Variants in PTPRD observed in about 807,000 individuals in gnomAD.
The protein encoded by PTPRD is protein tyrosine phosphatase receptor type D, also known as receptor-type tyrosine-protein phosphatase delta.
In PTPRD, 34 loss-of-function variants were observed where a neutral mutation model predicts 214.5. That is an observed-to-expected ratio of 0.16 (90% confidence interval 0.12 to 0.21). The LOEUF (loss-of-function observed/expected upper bound fraction) is 0.21, where lower values mean the gene tolerates loss of function less well. PTPRD is among the 10% of genes least tolerant of loss of function. PTPRD has a pLI of 1.00. For synonymous variants in PTPRD, 1,128 were observed against 845.7 expected, an observed-to-expected ratio of 1.33 and a Z score of -5.79; for missense variants, 2,545 against 2,398.7, an observed-to-expected ratio of 1.06 and a Z score of -1.27.
At chr9:8,487,692 C>A (rs1043455148) in intron 27 of PTPRD, among the ~76,000 whole-genome samples, 1 of 152,118 alleles carries the variant, frequency 6.6e-6, no homozygotes, top group Non-Finnish European at 1.5e-5. Flanking sequence ...TGCCTGTAAT[C>A]CCAGCTACTC....
At chr9:9,938,362 A>T (rs930862984) in intron 5 of PTPRD, 145 bp downstream of exon 5, 1 of 152,194 alleles carries the variant, frequency 6.6e-6, no homozygotes, top group Admixed American at 6.5e-5. Flanking sequence ...TTAAAATTAT[A>T]CTATTTTAAA....
chr9:9,434,504 C>T (rs1357726572), intron 8 of PTPRD, among the ~76,000 whole-genome samples: 1 of 152,088 alleles, frequency 6.6e-6, no homozygotes, highest in African/African-American at 2.4e-5. Context: ...AACTTCTTCA[C>T]AGAAATAGAA....
At chr9:9,913,554 G>A (rs542483226) in intron 5 of PTPRD, among the ~76,000 whole-genome samples, 2 of 152,228 alleles carry the variant, frequency 1.3e-5, no homozygotes, top group South Asian at 2.1e-4. Context: ...CACCAGTAGT[G>A]ACTGGAAATT....
At chr9:9,186,150 A>C (rs138127630) in intron 9 of PTPRD, among the ~76,000 whole-genome samples, 1 of 152,250 alleles carries the variant, frequency 6.6e-6, no homozygotes, top group African/African-American at 2.4e-5. Flanking sequence ...AACAGAAGAA[A>C]ATGGATTTTC....
At chr9:10,160,369 A>G (rs1328997904) in intron 3 of PTPRD, among the ~76,000 whole-genome samples, 2 of 152,038 alleles carry the variant, frequency 1.3e-5, no homozygotes, top group African/African-American at 2.4e-5. Flanking sequence ...AGGTTTCATA[A>G]AAGAAAAGCC....
chr9:10,390,450 C>T (rs1395583941), intron 2 of PTPRD, among the ~76,000 whole-genome samples: 5 of 151,788 alleles, frequency 3.3e-5, no homozygotes, highest in Non-Finnish European at 7.4e-5. Context: ...AAATGCAATT[C>T]TTCAGAGAAA....
intron 12 of PTPRD, among the ~76,000 whole-genome samples, chr9:8,702,907 A>G (rs2154396796): frequency 6.6e-6 from 1 of 152,296 alleles, no homozygotes; most frequent in African/African-American, 2.4e-5. Context: ...GCGCCCGGCC[A>G]TAAGATATAC....
chr9:10,115,638 T>C (rs10118733), intron 3 of PTPRD, among the ~76,000 whole-genome samples: 10,858 of 115,664 alleles, frequency 0.094, 572 homozygotes, highest in Admixed American at 0.2. Context: ...GTTAAAACTT[T>C]ACAAGTTTTT....
rs765014971 is a variant in PTPRD at position 10,487,326 on chromosome 9, G to T, written c.-600+125072C>A. Reference sequence around the variant, plus strand: ...TATTGATAAGGAAGGACTTACTCCTGCCATTTTGTTTGTTGTTTTCTGTTT... The same window carrying T: ...TATTGATAAGGAAGGACTTACTCCTTCCATTTTGTTTGTTGTTTTCTGTTT... On this transcript the variant is annotated intron_variant, in intron 2 of 45. Transcript: ENST00000381196. 5.3e-5 allele frequency among the ~76,000 whole-genome samples: 8 copies of T among 152,074 alleles called. No homozygotes were observed. The East Asian group carries it at 9.7e-4, about 18-fold the overall frequency.
intron 11 of PTPRD, among the ~76,000 whole-genome samples, chr9:8,793,627 G>C (rs1416041225): frequency 6.6e-6 from 1 of 152,168 alleles, no homozygotes; most frequent in Non-Finnish European, 1.5e-5. Flanking sequence ...ACTCTACACA[G>C]TTACACCTGC....
chr9:8,629,847 T>C (rs1029141841), intron 14 of PTPRD, among the ~76,000 whole-genome samples: 1 of 151,774 alleles, frequency 6.6e-6, no homozygotes, highest in Non-Finnish European at 1.5e-5. Flanking sequence ...TGCCCAAATA[T>C]CTTATTTCGG....
At chr9:9,545,087 C>T (rs2078469852) in intron 8 of PTPRD, among the ~76,000 whole-genome samples, 1 of 151,524 alleles carries the variant, frequency 6.6e-6, no homozygotes, top group East Asian at 2.0e-4. Flanking sequence ...CCCCCATTAC[C>T]AACATCCCCC....
chr9:9,407,523 G>A (rs1194685327), intron 8 of PTPRD, among the ~76,000 whole-genome samples: 3 of 151,666 alleles, frequency 2.0e-5, no homozygotes, highest in Non-Finnish European at 4.4e-5. Context: ...AGGATATGAA[G>A]AAATTTTTGT....
intron 11 of PTPRD, among the ~76,000 whole-genome samples, chr9:8,929,885 G>GTATATATATGTGTATATA (rs1567064549): frequency 3.5e-5 from 2 of 57,336 alleles, no homozygotes; most frequent in African/African-American, 6.7e-5. Context: ...GTATATATGT[G>GTATATATATGTGTATATA]TGTGTATATA....
chr9:8,861,326 A>AAAAGGCCCACATGGG (rs2098100235), intron 11 of PTPRD: 1 of 152,192 alleles, frequency 6.6e-6, no homozygotes, highest in African/African-American at 2.4e-5. Flanking sequence ...GCACTTCATG[A>AAAAGGCCCACATGGG]CCTTATGTGG....
chr9:8,766,858 C>A (rs960659728), intron 11 of PTPRD, among the ~76,000 whole-genome samples: 2 of 152,088 alleles, frequency 1.3e-5, no homozygotes, highest in African/African-American at 4.8e-5. Flanking sequence ...CAGACATATG[C>A]CATAGGAACT....
At chr9:9,021,190 A>G (rs1209735472) in intron 10 of PTPRD, among the ~76,000 whole-genome samples, 2 of 152,200 alleles carry the variant, frequency 1.3e-5, no homozygotes, top group Non-Finnish European at 2.9e-5. Flanking sequence ...ATCAAATTAG[A>G]AATGAAGTAC....
intron 9 of PTPRD, among the ~76,000 whole-genome samples, chr9:9,239,980 T>G (rs2099969555): frequency 6.6e-6 from 1 of 152,166 alleles, no homozygotes; most frequent in Non-Finnish European, 1.5e-5. Context: ...AGGCCTTGGT[T>G]AAGACAAGGC....
chr9:10,152,683 G>A (rs1260942156), intron 3 of PTPRD, among the ~76,000 whole-genome samples: 1 of 152,088 alleles, frequency 6.6e-6, no homozygotes. Flanking sequence ...AAATTAGCTG[G>A]GCGTGGTGGC....
Sources: gnomAD v4.1 joint callset for allele counts (sites outside exome capture counted in the v4.1 genomes callset) on GRCh38, gnomAD v4.1.1 for gene constraint, MANE v1.5 for transcripts, NCBI Gene and HGNC (gene_info 2026-07-23, HGNC 2026-07-21) for gene names.